Variants in SLC9A9 observed in about 807,000 individuals in gnomAD.
SLC9A9 encodes solute carrier family 9 member A9.
SLC9A9 carries 62 observed loss-of-function variants against 77.8 expected under a neutral mutation model. The observed-to-expected ratio is 0.80, with a 90% confidence interval of 0.65 to 0.98. The LOEUF is 0.98. Among genes scored for constraint, SLC9A9 ranks in the 50% least tolerant of loss-of-function variants. The pLI, the probability that SLC9A9 is intolerant of heterozygous loss-of-function variation, is 0.00. For synonymous variants in SLC9A9, 320 were observed against 283.5 expected, an observed-to-expected ratio of 1.13 and a Z score of -1.29; for missense variants, 775 against 774.9, an observed-to-expected ratio of 1.00 and a Z score of 0.00.
At chr3:143,806,851 C>A (rs914322130) in intron 2 of SLC9A9, among the ~76,000 whole-genome samples, 5 of 151,938 alleles carry the variant, frequency 3.3e-5, no homozygotes, top group East Asian at 1.9e-4. Context: ...ACTTACTGTA[C>A]ATTTAAAATT....
chr3:143,313,750 G>A (rs2031105237), intron 14 of SLC9A9, among the ~76,000 whole-genome samples: 1 of 152,256 alleles, frequency 6.6e-6, no homozygotes, highest in South Asian at 2.1e-4. Context: ...TCTGGCTAGA[G>A]GCCAGGCAGC....
At chr3:143,330,963 C>T (rs1402740046) in intron 14 of SLC9A9, among the ~76,000 whole-genome samples, 1 of 152,166 alleles carries the variant, frequency 6.6e-6, no homozygotes, top group African/African-American at 2.4e-5. Flanking sequence ...GAGTAAATCA[C>T]AAGGAATCGA....
At chr3:143,841,750 G>T (rs1445955858) in intron 1 of SLC9A9, among the ~76,000 whole-genome samples, 1 of 12,224 alleles carries the variant, frequency 8.2e-5, no homozygotes, top group Non-Finnish European at 2.7e-4. Context: ...AAAATATAGA[G>T]GCTCTTTTCT....
chr3:143,826,803 C>A (rs962545426), intron 2 of SLC9A9, among the ~76,000 whole-genome samples: 1 of 152,116 alleles, frequency 6.6e-6, no homozygotes, highest in African/African-American at 2.4e-5. Context: ...ACCACACATA[C>A]CCCTATCATC....
chr3:143,760,217 G>C (rs774964644), intron 4 of SLC9A9, among the ~76,000 whole-genome samples: 5 of 151,996 alleles, frequency 3.3e-5, no homozygotes, highest in Admixed American at 6.6e-5. Flanking sequence ...TGGCATGAAG[G>C]GCTGTTGAAT....
At chr3:143,704,763 T>G (rs6785426) in intron 4 of SLC9A9, among the ~76,000 whole-genome samples, 80,685 of 151,380 alleles carry the variant, frequency 0.53, 21,856 homozygotes, top group Non-Finnish European at 0.57. Flanking sequence ...GAGGCCAAGG[T>G]GGGCAGATCA....
chr3:143,769,182 A>T (rs925200956), intron 4 of SLC9A9, among the ~76,000 whole-genome samples: 1 of 152,174 alleles, frequency 6.6e-6, no homozygotes, highest in Non-Finnish European at 1.5e-5. Flanking sequence ...TTAAAAATGA[A>T]ATAAGGAGCT....
intron 6 of SLC9A9, among the ~76,000 whole-genome samples, chr3:143,587,122 A>G (rs899099621): frequency 6.6e-6 from 1 of 152,216 alleles, no homozygotes; most frequent in African/African-American, 2.4e-5. Flanking sequence ...AGGATAAGCT[A>G]GTGTATCATG....
At chr3:143,331,601 T>C (rs112214117) in intron 14 of SLC9A9, among the ~76,000 whole-genome samples, 7 of 152,280 alleles carry the variant, frequency 4.6e-5, no homozygotes, top group African/African-American at 1.7e-4. Context: ...GCAGTGCCTG[T>C]AGACACTATT....
intron 14 of SLC9A9, among the ~76,000 whole-genome samples, chr3:143,336,415 G>C (rs1274690377): frequency 6.6e-6 from 1 of 152,052 alleles, no homozygotes; most frequent in Non-Finnish European, 1.5e-5. Context: ...TTGAAAGCAG[G>C]AGCTCCAAAA....
At chr3:143,490,184 A>C (rs951379461) in intron 11 of SLC9A9, among the ~76,000 whole-genome samples, 1 of 152,168 alleles carries the variant, frequency 6.6e-6, no homozygotes, top group African/African-American at 2.4e-5. Flanking sequence ...TATTGAAAGG[A>C]ATTCACAGAC....
At chr3:143,796,635 C>T (rs184949850) in intron 3 of SLC9A9, among the ~76,000 whole-genome samples, 191 bp downstream of exon 3, 1 of 152,220 alleles carries the variant, frequency 6.6e-6, no homozygotes, top group Admixed American at 6.5e-5. Context: ...TGGTTAATGG[C>T]CTGTATTCAA....
At chr3:143,659,585 A>G (rs1187378357) in intron 5 of SLC9A9, among the ~76,000 whole-genome samples, 1 of 152,198 alleles carries the variant, frequency 6.6e-6, no homozygotes, top group East Asian at 1.9e-4. Flanking sequence ...CAAGAGTAAT[A>G]TTGAGAAGAG....
At chr3:143,475,045 G>A (rs139452866) in intron 11 of SLC9A9, among the ~76,000 whole-genome samples, 7 of 149,578 alleles carry the variant, frequency 4.7e-5, no homozygotes, top group South Asian at 2.1e-4. Context: ...TGTAACCTCC[G>A]CCTCCTGGGT....
chr3:143,435,451 A>G (rs1429556741), intron 12 of SLC9A9, among the ~76,000 whole-genome samples: 1 of 152,228 alleles, frequency 6.6e-6, no homozygotes, highest in East Asian at 1.9e-4. Context: ...TTAGTTCTTC[A>G]AAACTATTAA....
At chr3:143,691,357 A>G (rs1038697885) in intron 5 of SLC9A9, among the ~76,000 whole-genome samples, 1 of 152,084 alleles carries the variant, frequency 6.6e-6, no homozygotes, top group African/African-American at 2.4e-5. Context: ...GGCATGAGCC[A>G]CCGCTCCCAG....
At chr3:143,656,130 G>C (rs1226121258) in intron 5 of SLC9A9, among the ~76,000 whole-genome samples, 3 of 152,348 alleles carry the variant, frequency 2.0e-5, no homozygotes, top group Admixed American at 1.3e-4. Context: ...ACATGAGTTA[G>C]AGGCTACAGG....
intron 9 of SLC9A9, among the ~76,000 whole-genome samples, chr3:143,506,136 A>G (rs1274377268): frequency 6.6e-6 from 1 of 152,248 alleles, no homozygotes; most frequent in Non-Finnish European, 1.5e-5. Context: ...TGGTCATGAA[A>G]TAGATTGACC....
intron 5 of SLC9A9, among the ~76,000 whole-genome samples, chr3:143,683,694 T>C (rs1357870296): frequency 6.6e-6 from 1 of 152,126 alleles, no homozygotes; most frequent in Non-Finnish European, 1.5e-5. Flanking sequence ...AAAATGATAA[T>C]GTCTGAGATT....
Sources: gnomAD v4.1 joint callset for allele counts (sites outside exome capture counted in the v4.1 genomes callset) on GRCh38, gnomAD v4.1.1 for gene constraint, MANE v1.5 for transcripts, NCBI Gene and HGNC (gene_info 2026-07-23, HGNC 2026-07-21) for gene names.